Variants in RANBP2 observed in about 807,000 individuals in gnomAD.
The protein encoded by RANBP2 is RAN binding protein 2, also known as E3 SUMO-protein ligase RanBP2.
A neutral mutation model predicts 303.6 loss-of-function variants in RANBP2; 57 were observed. That is an observed-to-expected ratio of 0.19 (90% CI 0.15 to 0.23). The LOEUF is 0.23. Ranked by LOEUF, RANBP2 falls within the 10% of genes least tolerant of loss-of-function variation. The probability of loss-of-function intolerance (pLI) is 1.00; values close to 1 mark genes in which losing one functional copy is unlikely to be tolerated. For synonymous variants in RANBP2, 1,167 were observed against 1,301.5 expected (o/e 0.90, Z 2.23); for missense variants, 3,138 against 3,780.8 (o/e 0.83, Z 4.46).
chr2:109,358,578 T>C, the RANBP2 span, among the ~76,000 whole-genome samples: 3 of 152,208 alleles, frequency 2.0e-5, no homozygotes, highest in Non-Finnish European at 2.9e-5. Context: ...TACACTGTCT[T>C]CTTTGGTGAA....
the RANBP2 span, among the ~76,000 whole-genome samples, chr2:108,829,565 G>C: frequency 6.6e-6 from 1 of 152,314 alleles, no homozygotes; most frequent in East Asian, 1.9e-4. Context: ...GGCCAACATG[G>C]GGGAACCCCA....
chr2:109,134,986 G>A, the RANBP2 span, among the ~76,000 whole-genome samples: 1 of 152,200 alleles, frequency 6.6e-6, no homozygotes, highest in Non-Finnish European at 1.5e-5. Flanking sequence ...TAACCCAGCA[G>A]CTCTGTGCTC....
chr2:109,191,346 AG>A, the RANBP2 span, among the ~76,000 whole-genome samples: 2 of 152,208 alleles, frequency 1.3e-5, no homozygotes, highest in Non-Finnish European at 2.9e-5. Flanking sequence ...AGGACCCTGG[AG>A]GGGCCTTGCA....
chr2:109,109,332 T>C, the RANBP2 span, among the ~76,000 whole-genome samples: 2 of 152,374 alleles, frequency 1.3e-5, no homozygotes, highest in African/African-American at 4.8e-5. Context: ...CTTTGTCACT[T>C]TGCAATCCAG....
chr2:108,897,300 T>C, the RANBP2 span: 1 of 1,390,120 alleles, frequency 7.2e-7, no homozygotes, highest in South Asian at 1.3e-5. Context: ...TGAAAAATTA[T>C]TTAAATGAAA....
chr2:109,003,120 C>T, the RANBP2 span, among the ~76,000 whole-genome samples: 8 of 148,048 alleles, frequency 5.4e-5, no homozygotes, highest in East Asian at 2.1e-4. Flanking sequence ...GCAGAAGAAT[C>T]GCTTGAACTC....
the RANBP2 span, among the ~76,000 whole-genome samples, chr2:109,078,115 TATA>T: frequency 5.3e-3 from 425 of 79,774 alleles, 11 homozygotes; most frequent in Non-Finnish European, 7.5e-3. Context: ...TATATATATA[TATA>T]GCGTGTATAT....
At chr2:109,056,357 G>A in the RANBP2 span, among the ~76,000 whole-genome samples, 22,879 of 151,844 alleles carry the variant, frequency 0.15, 3,431 homozygotes, top group East Asian at 0.76. Context: ...TTGTAGAGAC[G>A]GGAGTCTCAT....
At chr2:109,093,936 G>A in the RANBP2 span, among the ~76,000 whole-genome samples, 1 of 152,218 alleles carries the variant, frequency 6.6e-6, no homozygotes, top group South Asian at 2.1e-4. Context: ...AATTGAAAGA[G>A]AATATATCCC....
At chr2:109,453,146 T>A in the RANBP2 span, among the ~76,000 whole-genome samples, 1 of 152,142 alleles carries the variant, frequency 6.6e-6, no homozygotes, top group African/African-American at 2.4e-5. Flanking sequence ...CAGTTCTTTC[T>A]CCAGACCCAT....
chr2:109,273,925 G>T, the RANBP2 span, among the ~76,000 whole-genome samples: 5 of 151,984 alleles, frequency 3.3e-5, no homozygotes, highest in African/African-American at 7.2e-5. Context: ...ACTGGGTTTG[G>T]TGCTTGCTTT....
At chr2:109,476,756 C>T in the RANBP2 span, among the ~76,000 whole-genome samples, 1 of 152,224 alleles carries the variant, frequency 6.6e-6, no homozygotes, top group African/African-American at 2.4e-5. Context: ...GTTCCATAGA[C>T]AGCAGCCCTG....
At chr2:109,183,061 C>G in the RANBP2 span, among the ~76,000 whole-genome samples, 5 of 152,114 alleles carry the variant, frequency 3.3e-5, no homozygotes, top group Non-Finnish European at 4.4e-5. Context: ...TTATCCCAAG[C>G]CACAATGACT....
the RANBP2 span, among the ~76,000 whole-genome samples, chr2:108,962,378 A>G: frequency 6.6e-6 from 1 of 152,180 alleles, no homozygotes; most frequent in South Asian, 2.1e-4. Flanking sequence ...AAGTGATGAA[A>G]AAGGAACACA....
chr2:109,635,217 C>G, the RANBP2 span, among the ~76,000 whole-genome samples: 11 of 152,120 alleles, frequency 7.2e-5, no homozygotes, highest in African/African-American at 2.7e-4. Context: ...GAGTCTCGCT[C>G]TGTTGCCCAG....
the RANBP2 span, among the ~76,000 whole-genome samples, chr2:109,494,817 C>A: frequency 6.6e-6 from 1 of 152,166 alleles, no homozygotes; most frequent in Admixed American, 6.5e-5. Context: ...CAGACTCCTC[C>A]AGATCTCAAC....
chr2:109,639,624 TAAAAAATAAA>T, the RANBP2 span, among the ~76,000 whole-genome samples: 2 of 149,018 alleles, frequency 1.3e-5, no homozygotes, highest in African/African-American at 2.5e-5. Context: ...TTTCAAAAAA[TAAAAAATAAA>T]AAAAAATAAA....
the RANBP2 span, among the ~76,000 whole-genome samples, chr2:109,473,104 G>C: frequency 6.6e-6 from 1 of 152,244 alleles, no homozygotes; most frequent in Admixed American, 6.5e-5. Context: ...AGAACTGACA[G>C]CCTGGCATTT....
the RANBP2 span, among the ~76,000 whole-genome samples, chr2:109,627,170 T>TACAAAA: frequency 6.6e-6 from 1 of 152,084 alleles, no homozygotes; most frequent in Non-Finnish European, 1.5e-5. Context: ...GACTTCAGAT[T>TACAAAA]ACAAAAACAA....
Sources: allele counts gnomAD v4.1 joint callset (sites outside exome capture counted in the v4.1 genomes callset), GRCh38; gene constraint gnomAD v4.1.1; transcripts MANE v1.5; gene names NCBI Gene and HGNC (gene_info 2026-07-23, HGNC 2026-07-21).